Variants in QSER1 observed in about 807,000 individuals in gnomAD.
QSER1 encodes glutamine and serine rich 1, also known as glutamine and serine-rich protein 1.
In QSER1, 49 loss-of-function variants were observed where a neutral mutation model predicts 158.5. The observed-to-expected ratio is 0.31, with a 90% confidence interval of 0.25 to 0.39. QSER1 has a LOEUF of 0.39. QSER1 is among the 10% of genes least tolerant of loss of function. The pLI is 1.00. For missense variants in QSER1, 1,754 were observed against 2,010.3 expected (o/e 0.87, Z 2.44); for synonymous variants, 650 against 715.5 (o/e 0.91, Z 1.46).
At chr11:32,924,971 CAT>C (rs1209634683) in intron 1 of QSER1, among the ~76,000 whole-genome samples, 5 of 152,084 alleles carry the variant, frequency 3.3e-5, no homozygotes, top group Admixed American at 2.0e-4. Flanking sequence ...TTAATGAGAA[CAT>C]GTGGTATTTG....
intron 10 of QSER1, among the ~76,000 whole-genome samples, chr11:32,970,411 G>A (rs763605565): frequency 6.2e-4 from 94 of 152,080 alleles, no homozygotes; most frequent in Admixed American, 3.3e-3. Context: ...TTGTTTGTTC[G>A]TTTTTGTTTT....
At chr11:32,922,659 A>G (rs1851914104) in intron 1 of QSER1, among the ~76,000 whole-genome samples, 1 of 151,346 alleles carries the variant, frequency 6.6e-6, no homozygotes, top group Non-Finnish European at 1.5e-5. Flanking sequence ...TAATTTTTGT[A>G]TTTTTAGTAG....
chr11:32,964,771 C>T (rs1244314780), intron 8 of QSER1, among the ~76,000 whole-genome samples: 68 of 138,704 alleles, frequency 4.9e-4, no homozygotes, highest in Middle Eastern at 3.8e-3. Flanking sequence ...CACACACACA[C>T]ACACACACAC....
At chr11:32,942,664 T>C (rs1852261164) in intron 4 of QSER1, among the ~76,000 whole-genome samples, 2 of 152,216 alleles carry the variant, frequency 1.3e-5, no homozygotes, top group African/African-American at 4.8e-5. Flanking sequence ...ACTCAGGTAG[T>C]GTGATGCCTC....
Position 32,957,882 on chromosome 11 carries a change from A to C in QSER1, c.4765A>C (p.Lys1589Gln). 6.2e-7 allele frequency: 1 copy of C among 1,613,988 alleles called. No homozygotes were observed. Among genetic ancestry groups the C allele is most frequent in the Non-Finnish European group, 8.5e-7 (1 of 1,179,894 alleles). The change falls in exon 8 of 13, where the codon AAG (lysine) becomes CAG (glutamine). Residue 1589 changes from lysine (K) to glutamine (Q), a missense_variant. Transcript: ENST00000650167. The part of the protein sequence containing the change: ...PSQTIRTVQA[K>Q]PSSSSKTSDP... The stretch of plus-strand genomic sequence containing the variant: ...ATAACATTGCAGAACTGTTCAAGCT[A>C]AGCCAAGTAGTAGCAGTAAAACTTC...
intron 4 of QSER1, among the ~76,000 whole-genome samples, chr11:32,952,133 C>G (rs967822292): frequency 6.6e-6 from 1 of 152,162 alleles, no homozygotes; most frequent in African/African-American, 2.4e-5. Flanking sequence ...AGCCACTGCG[C>G]CCAGGCCTTG....
At chr11:32,922,071 T>C (rs1260785178) in intron 1 of QSER1, among the ~76,000 whole-genome samples, 1 of 152,126 alleles carries the variant, frequency 6.6e-6, no homozygotes, top group African/African-American at 2.4e-5. Flanking sequence ...TATCAACCTT[T>C]TACACCACGT....
intron 1 of QSER1, among the ~76,000 whole-genome samples, chr11:32,924,138 C>G (rs1851935778): frequency 6.6e-6 from 1 of 151,966 alleles, no homozygotes; most frequent in African/African-American, 2.4e-5. Context: ...TTAAAACTTA[C>G]AAAATAAAAC....
In QSER1 at chr11:32,969,064, A is replaced by C. The variant is rs376149995; in HGVS notation, c.5126A>C (p.His1709Pro). ...GTTTCAGATGAGCTACTTTTACCTC[A>C]TATGAAAAAAATAGATGGCATGCTA... ...EKSNDELLLP[H>P]MKKIDGMLND... Residue 1709 changes from histidine (H) to proline (P), a missense_variant, in exon 10 of 13, where the codon CAT becomes CCT. His to Pro is a moderately conservative substitution (Grantham distance 77). Around this residue, in one of 2 missense-constraint regions of QSER1, gnomAD observed 1,707 missense variants for 1,919.6 expected, o/e 0.89. Transcript: ENST00000650167. The C allele has an allele frequency of 1.3e-6, 2 of 1,581,474 alleles. No homozygotes were observed. The highest frequency in any genetic ancestry group is 3.5e-5 in the Admixed American group (2 of 56,792).
chr11:32,946,774 G>A (rs934100397), intron 4 of QSER1, among the ~76,000 whole-genome samples: 3 of 151,810 alleles, frequency 2.0e-5, no homozygotes, highest in Admixed American at 6.6e-5. Flanking sequence ...CAAGCTTCCC[G>A]GCTGCTTTGT....
chr11:32,910,325 T>C (rs1480500610), intron 1 of QSER1, among the ~76,000 whole-genome samples: 1 of 152,214 alleles, frequency 6.6e-6, no homozygotes, highest in Non-Finnish European at 1.5e-5. Context: ...GTTGGTTTCC[T>C]TTTATTTACC....
At chr11:32,952,004 A>AT (rs1177265369) in intron 4 of QSER1, among the ~76,000 whole-genome samples, 3 of 151,550 alleles carry the variant, frequency 2.0e-5, no homozygotes, top group Non-Finnish European at 4.4e-5. Flanking sequence ...TGCCTGGCTA[A>AT]TTTTTTTGTA....
chr11:32,935,610 GT>G (rs1279666381), intron 4 of QSER1, among the ~76,000 whole-genome samples, 175 bp downstream of exon 4: 2 of 152,144 alleles, frequency 1.3e-5, no homozygotes, highest in African/African-American at 4.8e-5. Flanking sequence ...TATAGGAAAG[GT>G]CTATGTTTTA....
At chr11:32,963,102 A>G (rs568779346) in intron 8 of QSER1, among the ~76,000 whole-genome samples, 3 of 152,358 alleles carry the variant, frequency 2.0e-5, no homozygotes, top group Non-Finnish European at 4.4e-5. Context: ...ATTCAAGAAT[A>G]GAAATTTCAT....
At chr11:32,952,506 C>G (rs1461621483) in intron 4 of QSER1, among the ~76,000 whole-genome samples, 1 of 152,052 alleles carries the variant, frequency 6.6e-6, no homozygotes, top group Admixed American at 6.6e-5. Flanking sequence ...GGTGGATTTG[C>G]TAGTATTTCA....
intron 4 of QSER1, among the ~76,000 whole-genome samples, chr11:32,943,948 C>A (rs1400694697): frequency 6.6e-6 from 1 of 150,486 alleles, no homozygotes; most frequent in Non-Finnish European, 1.5e-5. Context: ...TCAACTTCTT[C>A]CTGGTTTAGT....
chr11:32,895,138 A>T (rs1851538872), intron 1 of QSER1, among the ~76,000 whole-genome samples: 1 of 152,236 alleles, frequency 6.6e-6, no homozygotes, highest in African/African-American at 2.4e-5. Flanking sequence ...GTAACACGAA[A>T]TGACTTCCCA....
chr11:32,956,055 C>G lies in QSER1; in HGVS notation c.4685C>G (p.Ala1562Gly). Residue 1562 changes from alanine to glycine, a missense_variant, in exon 7 of 13, where the codon GCA becomes GGA. Ala to Gly is a moderately conservative substitution (Grantham distance 60). This residue lies in a region of QSER1 where 1,707 missense variants were observed against 1,919.6 expected (regional missense o/e 0.89). Transcript: ENST00000650167. ...ATATATGTGAAGTTCATTGAAAATG[C>G]AAACAAGAAGGAATATGTCAGAGTG... Reference protein sequence around the residue: ...KRIYVKFIENANKKEYVRVCS... With the variant: ...KRIYVKFIENGNKKEYVRVCS... 6.2e-7 allele frequency: 1 copy of G among 1,609,142 alleles called. No individual in the cohort carries two copies. Among genetic ancestry groups the G allele is most frequent in the South Asian group, 1.1e-5 (1 of 90,930 alleles).
At chr11:32,959,980 C>T (rs758127342) in intron 8 of QSER1, among the ~76,000 whole-genome samples, 20 of 152,022 alleles carry the variant, frequency 1.3e-4, no homozygotes, top group Non-Finnish European at 2.4e-4. Flanking sequence ...TTGCCCAGGC[C>T]GATCTCAAAC....
Sources: allele counts gnomAD v4.1 joint callset (sites outside exome capture counted in the v4.1 genomes callset), GRCh38; gene constraint gnomAD v4.1.1; regional missense constraint gnomAD v4.1.1; transcripts MANE v1.5; gene names NCBI Gene and HGNC (gene_info 2026-07-23, HGNC 2026-07-21).